CALN1: variants seen among roughly 807,000 people sequenced by gnomAD.
CALN1 encodes the protein calneuron 1.
In CALN1, 17 loss-of-function variants were observed where a neutral mutation model predicts 30.6. The ratio of observed to expected loss-of-function variants is 0.56; its 90% CI spans 0.38 to 0.83. The LOEUF (loss-of-function observed/expected upper bound fraction) is 0.83, where lower values mean the gene tolerates loss of function less well. Among genes scored for constraint, CALN1 ranks in the 40% least tolerant of loss-of-function variants. The pLI is 0.00. For missense variants in CALN1, 291 were observed against 354.9 expected, an observed-to-expected ratio of 0.82 and a Z score of 1.45; for synonymous variants, 156 against 131.4, an observed-to-expected ratio of 1.19 and a Z score of -1.28.
chr7:72,326,764 C>G (rs191882584), intron 2 of CALN1, among the ~76,000 whole-genome samples: 27 of 152,226 alleles, frequency 1.8e-4, no homozygotes, highest in African/African-American at 6.3e-4. Context: ...AAAATAAATT[C>G]GGTTTCCAAT....
At chr7:72,420,621 CTTTTTTTTT>C (rs1162542514) in intron 1 of CALN1, among the ~76,000 whole-genome samples, 1 of 131,320 alleles carries the variant, frequency 7.6e-6, no homozygotes, top group Admixed American at 7.9e-5. Context: ...CTGGATGCAT[CTTTTTTTTT>C]TTTTTTTTTT....
chr7:71,921,252 C>T (rs993965078), intron 5 of CALN1, among the ~76,000 whole-genome samples: 10 of 152,104 alleles, frequency 6.6e-5, no homozygotes, highest in African/African-American at 2.2e-4. Context: ...GGAGAAATAC[C>T]TAATGTAGAT....
chr7:72,410,644 G>A (rs921753520), intron 1 of CALN1, among the ~76,000 whole-genome samples: 3 of 152,112 alleles, frequency 2.0e-5, no homozygotes, highest in African/African-American at 7.2e-5. Context: ...ATTCGCATAA[G>A]CAAAACACCC....
intron 5 of CALN1, among the ~76,000 whole-genome samples, chr7:71,834,348 TAAAAAAAAA>T (rs60091117): frequency 3.3e-5 from 3 of 89,830 alleles, no homozygotes; most frequent in African/African-American, 1.4e-4. Flanking sequence ...CGATCCACCC[TAAAAAAAAA>T]AAAAAAAAAA....
chr7:72,101,174 G>A (rs892608273), intron 4 of CALN1, among the ~76,000 whole-genome samples: 1 of 152,018 alleles, frequency 6.6e-6, no homozygotes, highest in African/African-American at 2.4e-5. Flanking sequence ...CTATGTTGGT[G>A]AGGCTGGTCT....
At chr7:72,185,186 C>CT (rs1178695716) in intron 3 of CALN1, among the ~76,000 whole-genome samples, 1 of 152,004 alleles carries the variant, frequency 6.6e-6, no homozygotes, top group Non-Finnish European at 1.5e-5. Flanking sequence ...GGCCAATCAG[C>CT]TCACCCAAAG....
At chr7:72,173,775 A>G (rs1789146188) in intron 3 of CALN1, among the ~76,000 whole-genome samples, 1 of 152,164 alleles carries the variant, frequency 6.6e-6, no homozygotes, top group Non-Finnish European at 1.5e-5. Flanking sequence ...TTCATCTTGT[A>G]TGTAAAAATG....
intron 1 of CALN1, among the ~76,000 whole-genome samples, chr7:72,446,086 C>G (rs1403768430): frequency 1.3e-5 from 2 of 152,138 alleles, no homozygotes; most frequent in African/African-American, 4.8e-5. Context: ...CCAGAGATGA[C>G]TGTCACTCAG....
At chr7:72,329,076 G>T (rs184614113) in intron 2 of CALN1, among the ~76,000 whole-genome samples, 4 of 152,178 alleles carry the variant, frequency 2.6e-5, no homozygotes, top group Non-Finnish European at 5.9e-5. Context: ...CATTCATAAC[G>T]CCAACAGCTT....
intron 2 of CALN1, among the ~76,000 whole-genome samples, chr7:72,344,123 G>GA (rs1252935357): frequency 1.3e-5 from 2 of 152,062 alleles, no homozygotes; most frequent in African/African-American, 2.4e-5. Context: ...CAGAAAGGAA[G>GA]AGAGAGACAG....
At chr7:71,975,723 C>A (rs1798069157) in intron 5 of CALN1, among the ~76,000 whole-genome samples, 1 of 151,876 alleles carries the variant, frequency 6.6e-6, no homozygotes, top group Non-Finnish European at 1.5e-5. Flanking sequence ...AGCCACCACA[C>A]CCGGCCTCTT....
chr7:72,401,149 CCTTT>C (rs1806310678), intron 2 of CALN1, among the ~76,000 whole-genome samples: 1 of 152,188 alleles, frequency 6.6e-6, no homozygotes, highest in South Asian at 2.1e-4. Flanking sequence ...CTCTTCTACT[CCTTT>C]CTCTCAAGGG....
chr7:72,249,957 A>G (rs1795440147), intron 3 of CALN1, among the ~76,000 whole-genome samples: 1 of 150,120 alleles, frequency 6.7e-6, no homozygotes, highest in African/African-American at 2.5e-5. Context: ...AAAAAAAAAA[A>G]AAAGAGAGAG....
intron 3 of CALN1, among the ~76,000 whole-genome samples, chr7:72,194,175 T>C (rs1790823808): frequency 6.6e-6 from 1 of 152,216 alleles, no homozygotes; most frequent in Non-Finnish European, 1.5e-5. Context: ...CTAACTAAAA[T>C]GTCATTCCGC....
chr7:72,488,680 G>A, the CALN1 span, among the ~76,000 whole-genome samples: 7 of 152,084 alleles, frequency 4.6e-5, no homozygotes, highest in South Asian at 2.1e-4. Flanking sequence ...CCTGCCTCAC[G>A]TACCCATTCA....
intron 3 of CALN1, among the ~76,000 whole-genome samples, chr7:72,220,439 T>TAA (rs1793199970): frequency 6.6e-6 from 1 of 151,594 alleles, no homozygotes; most frequent in Non-Finnish European, 1.5e-5. Flanking sequence ...ATCCAGTCTA[T>TAA]TGTTGTTGGA....
At position 72,156,906 on chromosome 7, in the gene CALN1, G is replaced by C. The variant is rs570155468; in HGVS notation, c.245-50612C>G. On this transcript the variant is annotated intron_variant, in intron 3 of 6. Coordinates refer to ENST00000395275, the MANE Select transcript of CALN1 (RefSeq NM_031468.4). ...CACAAAGCACTTCATGCACTTGTAA[G>C]TCTCTGTGAGTGGTGATGCTGAGTG... Among the ~76,000 whole-genome samples the C allele has an allele frequency of 3.3e-5, 5 of 152,288 alleles. No homozygotes were observed. In the South Asian group the frequency reaches 1.0e-3, roughly 32 times the overall value.
Position 72,304,545 on chromosome 7 carries a change from G to C in CALN1, c.120-25735C>G, listed in dbSNP as rs574510339. Among the ~76,000 whole-genome samples, 7 of 152,288 alleles carry C rather than the reference G, an allele frequency of 4.6e-5. 1 individual carries two copies. The South Asian group carries it at 1.5e-3, about 32-fold the overall frequency. On this transcript the variant is annotated intron_variant, in intron 2 of 6. Transcript: ENST00000395275. ...TTACTTGGAGTGATTTCATCCACCAGAATCACTGAGATGAAAAATGGCTTA... is the reference window on the plus strand; with the variant it reads ...TTACTTGGAGTGATTTCATCCACCACAATCACTGAGATGAAAAATGGCTTA...
At chr7:72,322,706 G>A (rs1022327560) in intron 2 of CALN1, among the ~76,000 whole-genome samples, 1 of 151,584 alleles carries the variant, frequency 6.6e-6, no homozygotes, top group Non-Finnish European at 1.5e-5. Context: ...ATGGTTAATG[G>A]GTACAAAAAA....
Sources: allele counts gnomAD v4.1 joint callset (sites outside exome capture counted in the v4.1 genomes callset), GRCh38; gene constraint gnomAD v4.1.1; transcripts MANE v1.5; gene names NCBI Gene and HGNC (gene_info 2026-07-23, HGNC 2026-07-21).